The following RIN2 variants were observed in gnomAD, a reference collection of about 807,000 sequenced individuals.
The protein encoded by RIN2 is Ras and Rab interactor 2, also known as RAB5 interacting protein 2.
Under a neutral mutation model 78.0 loss-of-function variants are expected in RIN2, and 36 were observed. That is an observed-to-expected ratio of 0.46 (90% CI 0.35 to 0.61). The LOEUF is 0.61. RIN2 is among the 20% of genes least tolerant of loss of function. The pLI is 0.00. For missense variants in RIN2, 1,087 were observed against 1,159.7 expected (o/e 0.94, Z 0.91); for synonymous variants, 466 against 466.8 (o/e 1.00, Z 0.02).
Position 19,992,190 on chromosome 20 carries a change from C to A in RIN2, c.2091C>A (p.Asp697Glu), listed in dbSNP as rs188766763. 1.0e-4 allele frequency: 166 copies of A among 1,612,874 alleles called. No homozygotes were observed. Among genetic ancestry groups the A allele is most frequent in the Non-Finnish European group, 1.4e-4 (162 of 1,179,578 alleles). ...CAGGGAGGATGTATGGCGCTGATGA[C>A]TTCTTGCCAGTCCTGACCTATGTCA... ...NNSGRMYGADDFLPVLTYVIA... is the reference protein window; with the variant it reads ...NNSGRMYGADEFLPVLTYVIA... The change falls in exon 11 of 13, where the codon GAC (aspartate) becomes GAA (glutamate). Residue 697 changes from aspartate (D) to glutamate (E), a missense_variant. Physicochemically the swap from Asp to Glu is conservative, Grantham distance 45. This residue lies in a region of RIN2 where 45 missense variants were observed against 88.1 expected (regional missense o/e 0.51). Coordinates refer to ENST00000255006, the MANE Select transcript of RIN2 (RefSeq NM_018993.4).
At chr20:19,780,378 G>A (rs981854366) in intron 1 of RIN2, among the ~76,000 whole-genome samples, 3 of 152,182 alleles carry the variant, frequency 2.0e-5, no homozygotes, top group South Asian at 2.1e-4. Flanking sequence ...AAGGACCAGC[G>A]TGTCCCATTC....
intron 3 of RIN2, among the ~76,000 whole-genome samples, chr20:19,901,130 T>C (rs572789113): frequency 1.3e-5 from 2 of 152,156 alleles, no homozygotes; most frequent in South Asian, 2.1e-4. Context: ...ACAAAAAGCA[T>C]AGAAACGTCT....
At position 19,983,502 on chromosome 20, in the gene RIN2, A is replaced by G. The variant is rs534457510; in HGVS notation, c.1763-6504A>G. Among the ~76,000 whole-genome samples, 4 of 151,664 alleles carry G rather than the reference A, an allele frequency of 2.6e-5. 1 individual carries two copies. The South Asian group carries it at 8.3e-4, about 32-fold the overall frequency. On this transcript the variant is annotated intron_variant, in intron 9 of 12. Coordinates refer to ENST00000255006, the MANE Select transcript of RIN2 (RefSeq NM_018993.4). ...AAATAAATGCCCAATAAATGTTAGCAATTATAAATGTTTACATTTTCACAA... is the reference window on the plus strand; with the variant it reads ...AAATAAATGCCCAATAAATGTTAGCGATTATAAATGTTTACATTTTCACAA...
intron 2 of RIN2, among the ~76,000 whole-genome samples, chr20:19,802,485 A>C (rs2035272159): frequency 6.6e-6 from 1 of 151,952 alleles, no homozygotes; most frequent in Non-Finnish European, 1.5e-5. Context: ...AAAAAAAAAA[A>C]AAAGTATACC....
chr20:19,865,753 A>G (rs568351757), intron 2 of RIN2, among the ~76,000 whole-genome samples: 31 of 152,148 alleles, frequency 2.0e-4, no homozygotes, highest in African/African-American at 6.5e-4. Flanking sequence ...TGGCCTCCCA[A>G]AGTGCTGGGA....
At chr20:19,928,537 T>A (rs1470604645) in intron 3 of RIN2, among the ~76,000 whole-genome samples, 1 of 152,138 alleles carries the variant, frequency 6.6e-6, no homozygotes, top group East Asian at 1.9e-4. Flanking sequence ...TGGTACAAAT[T>A]ACTGTAGACT....
chr20:19,825,736 A>G (rs886851885), intron 2 of RIN2, among the ~76,000 whole-genome samples: 1 of 152,192 alleles, frequency 6.6e-6, no homozygotes, highest in Non-Finnish European at 1.5e-5. Flanking sequence ...CAAACAAAAG[A>G]TGCTCTCACG....
intron 2 of RIN2, among the ~76,000 whole-genome samples, chr20:19,867,078 AG>A (rs2052398402): frequency 6.6e-6 from 1 of 152,090 alleles, no homozygotes; most frequent in Non-Finnish European, 1.5e-5. Context: ...AAAGTTTGCA[AG>A]TATAGTACAG....
intron 3 of RIN2, among the ~76,000 whole-genome samples, chr20:19,919,689 C>T (rs572493079): frequency 6.6e-6 from 1 of 152,094 alleles, no homozygotes; most frequent in South Asian, 2.1e-4. Flanking sequence ...ACCTGTAATC[C>T]TAGCTACTTG....
chr20:19,927,368 C>T (rs1167925872), intron 3 of RIN2, among the ~76,000 whole-genome samples: 1 of 152,196 alleles, frequency 6.6e-6, no homozygotes, highest in Non-Finnish European at 1.5e-5. Flanking sequence ...CTTCCTCAGC[C>T]TCCTGAGTAG....
At chr20:19,933,183 C>A (rs2040503054) in intron 3 of RIN2, among the ~76,000 whole-genome samples, 1 of 152,160 alleles carries the variant, frequency 6.6e-6, no homozygotes, top group African/African-American at 2.4e-5. Context: ...CGGTTTAGAC[C>A]ATAAAACAGA....
intron 3 of RIN2, among the ~76,000 whole-genome samples, chr20:19,920,661 C>G (rs2039878270): frequency 6.6e-6 from 1 of 152,156 alleles, no homozygotes; most frequent in South Asian, 2.1e-4. Context: ...TAATTTCAAA[C>G]ATAGTTCTTT....
intron 1 of RIN2, among the ~76,000 whole-genome samples, chr20:19,786,435 A>AC (rs1449369772): frequency 6.6e-6 from 1 of 152,054 alleles, no homozygotes; most frequent in Non-Finnish European, 1.5e-5. Context: ...AGAGAGAGAT[A>AC]CCGTAGCAGT....
chr20:19,766,880 C>T (rs1335075013), intron 1 of RIN2, among the ~76,000 whole-genome samples: 1 of 150,910 alleles, frequency 6.6e-6, no homozygotes, highest in Non-Finnish European at 1.5e-5. Context: ...CCACTGCACT[C>T]CAGCCTGGGC....
At chr20:19,900,021 T>C (rs181866065) in intron 3 of RIN2, among the ~76,000 whole-genome samples, 3 of 152,268 alleles carry the variant, frequency 2.0e-5, no homozygotes, top group Non-Finnish European at 4.4e-5. Context: ...ACAGGTGGGA[T>C]TGGTGGAGAC....
At chr20:19,834,526 C>T (rs1197260841) in intron 2 of RIN2, among the ~76,000 whole-genome samples, 1 of 152,198 alleles carries the variant, frequency 6.6e-6, no homozygotes, top group East Asian at 1.9e-4. Context: ...ACAGGCTCCT[C>T]CTCCTGCCCT....
chr20:19,829,284 C>T (rs186025305), intron 2 of RIN2, among the ~76,000 whole-genome samples: 31 of 152,004 alleles, frequency 2.0e-4, no homozygotes, highest in Middle Eastern at 6.8e-3. Context: ...AGTTGTATGG[C>T]GTGCTTGCAA....
At chr20:19,961,310 C>T (rs1296434265) in intron 6 of RIN2, among the ~76,000 whole-genome samples, 2 of 152,170 alleles carry the variant, frequency 1.3e-5, no homozygotes, top group African/African-American at 2.4e-5. Flanking sequence ...GAGGCAGAAT[C>T]CAACCTTTTG....
chr20:19,791,090 G>A (rs563034602), intron 1 of RIN2, among the ~76,000 whole-genome samples: 2 of 152,304 alleles, frequency 1.3e-5, no homozygotes, highest in Non-Finnish European at 2.9e-5. Flanking sequence ...AAGAAAAACA[G>A]GACTTCATGT....
Sources: gnomAD v4.1 joint callset for allele counts (sites outside exome capture counted in the v4.1 genomes callset) on GRCh38, gnomAD v4.1.1 for gene constraint, gnomAD v4.1.1 regional missense constraint, MANE v1.5 for transcripts, NCBI Gene and HGNC (gene_info 2026-07-23, HGNC 2026-07-21) for gene names.